Variants in SCAI observed in about 807,000 individuals in gnomAD.
SCAI encodes protein SCAI.
Under a neutral mutation model 92.2 loss-of-function variants are expected in SCAI, and 24 were observed. That is an observed-to-expected ratio of 0.26 (90% CI 0.19 to 0.37). SCAI has a LOEUF of 0.37. Ranked by LOEUF, SCAI falls within the 10% of genes least tolerant of loss-of-function variation. The pLI, the probability that SCAI is intolerant of heterozygous loss-of-function variation, is 1.00. For synonymous variants in SCAI, 261 were observed against 258.6 expected (o/e 1.01, Z -0.09); for missense variants, 450 against 736.2 (o/e 0.61, Z 4.50).
Position 125,003,503 on chromosome 9 carries a change from T to G in SCAI, c.929A>C (p.Asn310Thr). The G allele has an allele frequency of 6.2e-7, 1 of 1,613,416 alleles. No homozygotes were observed. Among genetic ancestry groups the G allele is most frequent in the Non-Finnish European group, 8.5e-7 (1 of 1,179,392 alleles). The change falls in exon 10 of 18, where the codon AAT becomes ACT. Residue 310 changes from asparagine (N) to threonine (T), a missense_variant. Transcript: ENST00000336505. ...MLQALEREPM[N>T]LASQMNKPGM... ...TGGTTTATTCATCTGGGAAGCTAAA[T>G]TCATTGGCTCCCTTTCCAGAGCTTG...
At chr9:125,060,461 AC>A (rs1833749651) in intron 2 of SCAI, among the ~76,000 whole-genome samples, 1 of 152,194 alleles carries the variant, frequency 6.6e-6, no homozygotes, top group Non-Finnish European at 1.5e-5. Context: ...TGAATATATA[AC>A]CAAAAAGATC....
rs1387834204 is a variant in SCAI, at chr9:124,943,458, T to C, written c.*9349A>G. ...TAGCTTCATTATTTGCACGACAGAT[T>C]AGCAGCACTTGGATAAGAATTGTTA... On this transcript the variant is annotated 3_prime_UTR_variant, in exon 18 of 18. Coordinates refer to ENST00000336505, the MANE Select transcript of SCAI (RefSeq NM_001144877.3). 1.3e-5 allele frequency: 2 copies of C among 152,222 alleles called. No individual in the cohort carries two copies. The highest frequency in any genetic ancestry group is 4.8e-5 in the African/African-American group (2 of 41,462). 9.4% of individuals were successfully genotyped at this position (152,222 alleles called of 1,614,324 possible). A position where few individuals can be genotyped will look rare whatever the true frequency, so the allele number is the denominator to read the frequency against.
At chr9:125,118,770 A>G (rs1835102604) in intron 2 of SCAI, among the ~76,000 whole-genome samples, 1 of 151,768 alleles carries the variant, frequency 6.6e-6, no homozygotes, top group Non-Finnish European at 1.5e-5. Context: ...CTCCTTGTTC[A>G]GCTCCCACTT....
intron 3 of SCAI, among the ~76,000 whole-genome samples, chr9:125,037,646 GGCTC>G (rs1346864330): frequency 5.9e-5 from 9 of 152,188 alleles, no homozygotes; most frequent in African/African-American, 2.2e-4. Flanking sequence ...CGGGTACAGT[GGCTC>G]AAGCCTGTAA....
At chr9:125,063,327 A>T (rs1833812661) in intron 2 of SCAI, among the ~76,000 whole-genome samples, 1 of 151,720 alleles carries the variant, frequency 6.6e-6, no homozygotes, top group Non-Finnish European at 1.5e-5. Flanking sequence ...CAGTGAGCCA[A>T]GATCGCACCA....
At chr9:125,120,403 G>A (rs1030771647) in intron 2 of SCAI, among the ~76,000 whole-genome samples, 2 of 152,120 alleles carry the variant, frequency 1.3e-5, no homozygotes, top group African/African-American at 4.8e-5. Context: ...AAGAAAAACA[G>A]GAGGAAGAGC....
intron 2 of SCAI, among the ~76,000 whole-genome samples, chr9:125,066,751 C>A (rs1456293866): frequency 1.3e-5 from 2 of 152,106 alleles, no homozygotes; most frequent in Non-Finnish European, 2.9e-5. Context: ...CTGCGCCTGG[C>A]CTATTTATTT....
At chr9:125,117,902 T>C (rs1835080148) in intron 2 of SCAI, among the ~76,000 whole-genome samples, 1 of 152,184 alleles carries the variant, frequency 6.6e-6, no homozygotes, top group Non-Finnish European at 1.5e-5. Context: ...TTCCTAGCTG[T>C]GTTACTTTGG....
intron 2 of SCAI, among the ~76,000 whole-genome samples, chr9:125,103,577 T>C (rs2131216670): frequency 6.6e-6 from 1 of 152,364 alleles, no homozygotes; most frequent in South Asian, 2.1e-4. Context: ...CGGTCCTTAC[T>C]ATTCCAACCA....
intron 13 of SCAI, among the ~76,000 whole-genome samples, chr9:124,999,616 C>G (rs1326684143): frequency 1.3e-5 from 2 of 152,144 alleles, no homozygotes; most frequent in Non-Finnish European, 2.9e-5. Context: ...CTGTCTCCAA[C>G]TAGAATGCAA....
intron 7 of SCAI, 49 bp from the exon 8 acceptor site, chr9:125,019,254 C>T (rs1038786524): frequency 9.4e-7 from 1 of 1,063,130 alleles, no homozygotes; most frequent in Non-Finnish European, 1.4e-6. Context: ...CCCATAAAAA[C>T]ACACAGCCAT....
At chr9:125,109,042 TG>T (rs1208607800) in intron 2 of SCAI, among the ~76,000 whole-genome samples, 4 of 152,366 alleles carry the variant, frequency 2.6e-5, no homozygotes, top group African/African-American at 9.6e-5. Context: ...GGGATGCTGT[TG>T]ATCTATCACC....
intron 14 of SCAI, among the ~76,000 whole-genome samples, chr9:124,988,998 G>A (rs1280020017): frequency 2.0e-5 from 3 of 152,088 alleles, no homozygotes; most frequent in South Asian, 2.1e-4. Context: ...AATTAGCTGG[G>A]TGTGGTAGCG....
At chr9:125,027,005 A>C in intron 5 of SCAI, 95 bp from the exon 6 acceptor site, 1 of 584,336 alleles carries the variant, frequency 1.7e-6, no homozygotes, top group Non-Finnish European at 2.9e-6. Flanking sequence ...CCTCTGTGGC[A>C]CGGGGTGCGG....
intron 12 of SCAI, 51 bp from the exon 13 acceptor site, chr9:125,000,041 A>C: frequency 2.6e-6 from 2 of 766,724 alleles, no homozygotes; most frequent in East Asian, 5.6e-5. Flanking sequence ...ACTAACACTG[A>C]CCTGATGTTC....
intron 2 of SCAI, among the ~76,000 whole-genome samples, chr9:125,121,935 T>C (rs1157947708): frequency 6.6e-6 from 1 of 152,230 alleles, no homozygotes; most frequent in Non-Finnish European, 1.5e-5. Flanking sequence ...CATCTAGTTA[T>C]TGAAAAAATC....
intron 17 of SCAI, among the ~76,000 whole-genome samples, chr9:124,967,036 T>C (rs1038290465): frequency 6.6e-6 from 1 of 151,782 alleles, no homozygotes; most frequent in African/African-American, 2.4e-5. Flanking sequence ...GAAAATAATA[T>C]AACATGAGCA....
Position 125,063,313 on chromosome 9 carries a change from G to C in SCAI, c.99-7306C>G, listed in dbSNP as rs1386819196. Among the ~76,000 whole-genome samples the C allele has an allele frequency of 2.0e-5, 3 of 151,390 alleles. No homozygotes were observed. In the East Asian group the frequency reaches 5.8e-4, roughly 29 times the overall value. Reference sequence around the variant, plus strand: ...AATCCCAGCCACTCAGGAAGTGAAGGTTGCAGTGAGCCAAGATCGCACCAC... The same window carrying C: ...AATCCCAGCCACTCAGGAAGTGAAGCTTGCAGTGAGCCAAGATCGCACCAC... On this transcript the variant is annotated intron_variant, in intron 2 of 17. Coordinates refer to ENST00000336505, the MANE Select transcript of SCAI (RefSeq NM_001144877.3).
intron 2 of SCAI, among the ~76,000 whole-genome samples, chr9:125,067,564 C>T (rs989543113): frequency 2.0e-5 from 3 of 152,182 alleles, no homozygotes; most frequent in African/African-American, 7.2e-5. Flanking sequence ...GAACAGATTT[C>T]CCTTCTGAGT....
Sources: gnomAD v4.1 joint callset for allele counts (sites outside exome capture counted in the v4.1 genomes callset) on GRCh38, gnomAD v4.1.1 for gene constraint, MANE v1.5 for transcripts, NCBI Gene and HGNC (gene_info 2026-07-23, HGNC 2026-07-21) for gene names.